Variants in PRKD2 observed in about 807,000 individuals in gnomAD.
PRKD2 encodes serine/threonine-protein kinase D2.
A neutral mutation model predicts 86.0 loss-of-function variants in PRKD2; 22 were observed. The observed-to-expected ratio is 0.26, with a 90% CI of 0.18 to 0.37. The LOEUF (loss-of-function observed/expected upper bound fraction) is 0.37. PRKD2 is among the 10% of genes least tolerant of loss of function. PRKD2 has a pLI of 1.00. For synonymous variants in PRKD2, 509 were observed against 510.9 expected (o/e 1.00, Z 0.05); for missense variants, 818 against 1,199.2 (o/e 0.68, Z 4.70).
chr19:46,714,133 C>A, intron 1 of PRKD2, 132 bp from the exon 2 acceptor site: 2 of 1,400,186 alleles, frequency 1.4e-6, no homozygotes, highest in South Asian at 1.6e-5. Context: ...GCCCTCGCTT[C>A]CTGCCTGCCC....
In PRKD2 at chr19:46,680,946, A is replaced by ATATATATATATATT; in HGVS notation, c.2070+703_2070+704insAATATATATATATA. ...AAACTATATATATATATATATATAT[A>ATATATATATATATT]TTTTTTTTTTTTTTTTTGAGACAGA... On this transcript the variant is annotated intron_variant, in intron 15 of 17. Transcript: ENST00000291281. 1.6e-3 allele frequency among the ~76,000 whole-genome samples: 78 copies of ATATATATATATATT among 48,218 alleles called. 1 individual carries two copies. Among genetic ancestry groups the ATATATATATATATT allele is most frequent in the African/African-American group, 5.1e-3 (73 of 14,182 alleles). The allele number at this position is 48,218 out of a possible 152,430, so 31.6% of individuals were successfully genotyped here.
At chr19:46,703,786 G>T (rs1052466955) in intron 5 of PRKD2, among the ~76,000 whole-genome samples, 16 of 145,758 alleles carry the variant, frequency 1.1e-4, no homozygotes, top group African/African-American at 3.8e-4. Context: ...AAAAAAAAAA[G>T]AAAAGAAAAT....
chr19:46,684,258 A>AC (rs1209308090), intron 14 of PRKD2, among the ~76,000 whole-genome samples: 1 of 151,994 alleles, frequency 6.6e-6, no homozygotes, highest in African/African-American at 2.4e-5. Context: ...ACCATGCCTG[A>AC]CCAACCTCCT....
rs2053525771 is a variant in PRKD2 at position 46,694,260 on chromosome 19, GT to G, written c.1318-128del. The G allele has an allele frequency of 9.0e-5, 114 of 1,263,296 alleles. 2 individuals carry two copies. In the South Asian group the frequency reaches 1.6e-3, roughly 18 times the overall value. 78.3% of individuals were successfully genotyped at this position (1,263,296 alleles called of 1,614,324 possible). A position where few individuals can be genotyped will look rare whatever the true frequency, so the allele number is the denominator to read the frequency against. On this transcript the variant is annotated intron_variant, in intron 9 of 17. Transcript: ENST00000291281. ...CCTGGTTTGCACAGTGGTCAGACAAGTTCCCAGTAATTCTAAGCCTGTTCTC... is the reference window on the plus strand; with the variant it reads ...CCTGGTTTGCACAGTGGTCAGACAAGTCCCAGTAATTCTAAGCCTGTTCTC...
In PRKD2 at chr19:46,701,070, G is replaced by A. The variant is rs1462923300; in HGVS notation, c.932C>T (p.Pro311Leu). 1.2e-5 allele frequency: 19 copies of A among 1,614,238 alleles called. No individual in the cohort carries two copies. Among genetic ancestry groups the A allele is most frequent in the Non-Finnish European group, 1.6e-5 (19 of 1,180,046 alleles). ...NCHKRCATRV[P>L]NDCLGEALIN... Reference sequence around the variant, plus strand: ...AAGGGCCTCCCCCAGGCAGTCATTAGGGACGCGGGTGGCGCAGCGTTTGTG... The same window carrying A: ...AAGGGCCTCCCCCAGGCAGTCATTAAGGACGCGGGTGGCGCAGCGTTTGTG... The change falls in exon 6 of 18, where the codon CCT (proline) becomes CTT (leucine). Residue 311 changes from proline (P) to leucine (L), a missense_variant. Coordinates refer to ENST00000291281, the MANE Select transcript of PRKD2 (RefSeq NM_016457.5).
chr19:46,713,186 C>CTT (rs59172459), intron 2 of PRKD2, among the ~76,000 whole-genome samples: 41 of 119,008 alleles, frequency 3.4e-4, no homozygotes, highest in African/African-American at 1.1e-3. Flanking sequence ...GCCCGGTTAA[C>CTT]TTTTTTTTTT....
At chr19:46,702,451 T>C (rs79259199) in intron 5 of PRKD2, among the ~76,000 whole-genome samples, 3,036 of 152,280 alleles carry the variant, frequency 0.02, 56 homozygotes, top group Middle Eastern at 0.044. Flanking sequence ...TAGGGTGTTA[T>C]ATATCTAAAC....
intron 15 of PRKD2, among the ~76,000 whole-genome samples, chr19:46,680,412 C>T (rs1393361857): frequency 6.6e-6 from 1 of 151,944 alleles, no homozygotes; most frequent in Non-Finnish European, 1.5e-5. Context: ...CTTCAGCCTC[C>T]TGAGAACCTG....
intron 14 of PRKD2, among the ~76,000 whole-genome samples, chr19:46,683,496 T>G (rs1156296215): frequency 2.0e-5 from 3 of 152,014 alleles, no homozygotes; most frequent in Admixed American, 2.0e-4. Context: ...CTGAGGCAGG[T>G]GGATCACCTG....
At chr19:46,690,857 C>A in intron 12 of PRKD2, 151 bp from the exon 13 acceptor site, 1 of 631,750 alleles carries the variant, frequency 1.6e-6, no homozygotes, top group South Asian at 1.9e-5. Flanking sequence ...CGTGAAAAGG[C>A]CACCTGAGGT....
chr19:46,699,962 G>A (rs1015997015), intron 7 of PRKD2, among the ~76,000 whole-genome samples: 1 of 150,298 alleles, frequency 6.7e-6, no homozygotes, highest in Non-Finnish European at 1.5e-5. Context: ...TAGGTCAGGC[G>A]CGGTGGCTCA....
intron 14 of PRKD2, among the ~76,000 whole-genome samples, chr19:46,685,046 G>A (rs62134780): frequency 0.26 from 39,462 of 150,802 alleles, 6,486 homozygotes; most frequent in Non-Finnish European, 0.36. Context: ...GGATCACGAG[G>A]TCAGAAGTTC....
At chr19:46,714,237 C>G (rs1439332705) in intron 1 of PRKD2, 1 of 1,295,610 alleles carries the variant, frequency 7.7e-7, no homozygotes. Flanking sequence ...GAAGGGGGAG[C>G]TGGGGTGGGA....
rs145853007 is a variant in PRKD2, at chr19:46,710,188, T to A, written c.511+719A>T. On this transcript the variant is annotated intron_variant, in intron 3 of 17. Transcript: ENST00000291281. ...CTGGGATTACAGGCATGAGCCACCG[T>A]GTCCGGCCTTTTTCCTGTTTTTGAG... Among the ~76,000 whole-genome samples the A allele has an allele frequency of 8.6e-3, 1,305 of 152,162 alleles. 27 individuals are homozygous for A. The highest frequency in any genetic ancestry group is 0.061 in the South Asian group (295 of 4,818).
At chr19:46,692,110 C>T (rs1041814214) in intron 10 of PRKD2, 125 bp from the exon 11 acceptor site, 2 of 895,298 alleles carry the variant, frequency 2.2e-6, no homozygotes, top group African/African-American at 1.6e-5. Flanking sequence ...ATACAATGTG[C>T]AACTTCAGGC....
At chr19:46,699,716 A>G (rs1414616066) in intron 7 of PRKD2, among the ~76,000 whole-genome samples, 1 of 152,114 alleles carries the variant, frequency 6.6e-6, no homozygotes, top group Non-Finnish European at 1.5e-5. Flanking sequence ...AGGGCAGAAA[A>G]TATCCTTGCC....
chr19:46,697,330 C>T, intron 8 of PRKD2, 96 bp from the exon 9 acceptor site: 2 of 890,248 alleles, frequency 2.2e-6, no homozygotes, highest in Non-Finnish European at 3.6e-6. Context: ...CCTGGAGCAC[C>T]ACGTGCACGC....
At chr19:46,692,442 G>A (rs978595161) in intron 10 of PRKD2, among the ~76,000 whole-genome samples, 6 of 152,006 alleles carry the variant, frequency 3.9e-5, no homozygotes, top group Non-Finnish European at 8.8e-5. Flanking sequence ...CCATTTGAAT[G>A]TCTCTCTCTT....
Position 46,675,117 on chromosome 19 carries a change from G to T in PRKD2, c.2340C>A (p.Ala780=). 6.2e-7 allele frequency: 1 copy of T among 1,608,582 alleles called. No homozygotes were observed. The highest frequency in any genetic ancestry group is 1.1e-5 in the South Asian group (1 of 89,938). Residue 780 remains alanine, a splice_region_variant and synonymous_variant, in exon 17 of 18, where the codon GCC becomes GCA. Transcript: ENST00000291281. ...GCAGCAGGTTGTTGATGAGGTCAAT[G>T]GCTGCACAGGAAAGAGAAACAGGTC... ...ASPWSHISAG[A]IDLINNLLQV... is the part of the protein sequence containing the mutation.
Sources: allele counts gnomAD v4.1 joint callset (sites outside exome capture counted in the v4.1 genomes callset), GRCh38; gene constraint gnomAD v4.1.1; transcripts MANE v1.5; gene names NCBI Gene and HGNC (gene_info 2026-07-23, HGNC 2026-07-21).